The following HOOK3 variants were observed in gnomAD, a reference collection of about 807,000 sequenced individuals.
HOOK3 encodes hook microtubule tethering protein 3.
In HOOK3, 24 loss-of-function variants were observed where a neutral mutation model predicts 116.3. The observed-to-expected ratio is 0.21, with a 90% confidence interval of 0.15 to 0.29. HOOK3 has a LOEUF of 0.29. HOOK3 is among the 10% of genes least tolerant of loss of function. The probability of loss-of-function intolerance (pLI) is 1.00; values close to 1 mark genes in which losing one functional copy is unlikely to be tolerated. For missense variants in HOOK3, 632 were observed against 830.2 expected, an observed-to-expected ratio of 0.76 and a Z score of 2.93; for synonymous variants, 275 against 283.0, an observed-to-expected ratio of 0.97 and a Z score of 0.28.
At chr8:42,945,027 A>G (rs1415718607) in intron 5 of HOOK3, among the ~76,000 whole-genome samples, 1 of 152,182 alleles carries the variant, frequency 6.6e-6, no homozygotes, top group Non-Finnish European at 1.5e-5. Flanking sequence ...TAAGAGCATG[A>G]GCTGCAGTGT....
At position 42,951,504 on chromosome 8, in the gene HOOK3, TGTAAAA is replaced by T. The variant is rs539589873; in HGVS notation, c.468+1062_468+1067del. ...ACGTTTTAAATGTAAAACATAAAAC[TGTAAAA>T]GTAAAAGTAAAACAGAGACTAATAG... On this transcript the variant is annotated intron_variant, in intron 6 of 21. Coordinates refer to ENST00000307602, the MANE Select transcript of HOOK3 (RefSeq NM_032410.4). 2.9e-3 allele frequency among the ~76,000 whole-genome samples: 435 copies of T among 152,294 alleles called. 4 individuals are homozygous for T. The highest frequency in any genetic ancestry group is 4.0e-3 in the Non-Finnish European group (273 of 68,024).
rs1359960987 is a variant in HOOK3 at position 42,966,665 on chromosome 8, C to T, written c.920+52C>T. ...CACAGTTTGGCTCTGGTGTTAGAAA[C>T]TCTAGGGTTTCTGAGGATCTAGCAA... On this transcript the variant is annotated intron_variant, in intron 10 of 21. Coordinates refer to ENST00000307602, the MANE Select transcript of HOOK3 (RefSeq NM_032410.4). 3 of 1,577,136 alleles carry T rather than the reference C, an allele frequency of 1.9e-6. No individual in the cohort carries two copies. In the Admixed American group the frequency reaches 5.3e-5, roughly 28 times the overall value.
At chr8:42,979,979 T>C (rs543018598) in intron 13 of HOOK3, among the ~76,000 whole-genome samples, 1 of 151,618 alleles carries the variant, frequency 6.6e-6, no homozygotes, top group South Asian at 2.1e-4. Flanking sequence ...TTTTTTTTTT[T>C]TGAGATGGAG....
intron 16 of HOOK3, among the ~76,000 whole-genome samples, chr8:42,999,938 A>AT (rs1342690484): frequency 6.6e-6 from 1 of 152,134 alleles, no homozygotes; most frequent in African/African-American, 2.4e-5. Context: ...CGAGGTCAGG[A>AT]GATCGAGATC....
chr8:42,939,936 A>T (rs1383798742), intron 4 of HOOK3, among the ~76,000 whole-genome samples: 1 of 149,414 alleles, frequency 6.7e-6, no homozygotes, highest in African/African-American at 2.5e-5. Flanking sequence ...GCGGCCGGGA[A>T]GAGGCGCTCC....
intron 4 of HOOK3, among the ~76,000 whole-genome samples, chr8:42,937,308 A>G (rs1159266329): frequency 1.5e-5 from 2 of 130,244 alleles, no homozygotes; most frequent in African/African-American, 6.1e-5. Context: ...CCAGTGGTCT[A>G]TTTTGTTAAT....
chr8:42,951,723 A>C (rs1476376915), intron 6 of HOOK3, among the ~76,000 whole-genome samples: 2 of 152,120 alleles, frequency 1.3e-5, no homozygotes, highest in African/African-American at 2.4e-5. Context: ...CAGGCGGATC[A>C]CGAGGTCAAG....
intron 1 of HOOK3, among the ~76,000 whole-genome samples, chr8:42,904,619 T>C (rs915666911): frequency 6.6e-6 from 1 of 152,120 alleles, no homozygotes; most frequent in African/African-American, 2.4e-5. Flanking sequence ...CCAGATCTTA[T>C]ATTAATACAA....
chr8:42,960,284 G>A (rs1356996425), intron 8 of HOOK3, among the ~76,000 whole-genome samples: 1 of 152,162 alleles, frequency 6.6e-6, no homozygotes, highest in East Asian at 1.9e-4. Flanking sequence ...ATGACAGAGT[G>A]GAGTACTTGC....
At chr8:42,966,112 G>C (rs149432694) in intron 9 of HOOK3, among the ~76,000 whole-genome samples, 138 of 152,226 alleles carry the variant, frequency 9.1e-4, no homozygotes, top group Admixed American at 3.1e-3. Context: ...TTCATAAAGA[G>C]TATGTTGTTT....
Position 43,025,377 on chromosome 8 carries a change from T to C in HOOK3, c.*6879T>C, listed in dbSNP as rs1295978887. The C allele has an allele frequency of 4.7e-6, 1 of 212,858 alleles. No homozygotes were observed. The highest frequency in any genetic ancestry group is 9.5e-6 in the Non-Finnish European group (1 of 105,250). 13.2% of individuals were successfully genotyped at this position (212,858 alleles called of 1,614,324 possible). A position where few individuals can be genotyped will look rare whatever the true frequency, so the allele number is the denominator to read the frequency against. ...ATTCATTCCTAGAAAGTGGAGTGGA[T>C]CATTGGGATAAGAAATAGCCTAATT... On this transcript the variant is annotated 3_prime_UTR_variant, in exon 22 of 22. Transcript: ENST00000307602.
chr8:42,918,315 G>A lies in HOOK3; in HGVS notation c.144-7242G>A, dbSNP rs183573274. On this transcript the variant is annotated intron_variant, in intron 2 of 21. Coordinates refer to ENST00000307602, the MANE Select transcript of HOOK3 (RefSeq NM_032410.4). ...ATCGCACCATTGCACTCCAGCCTGG[G>A]CAACAAAGCGAGACATTCTCTCTCT... is the stretch of plus-strand genomic sequence containing the variant. Among the ~76,000 whole-genome samples, 1,279 of 152,114 alleles carry A rather than the reference G, an allele frequency of 8.4e-3. 10 individuals carry two copies. Among genetic ancestry groups the A allele is most frequent in the Middle Eastern group, 0.017 (5 of 294 alleles).
chr8:42,917,492 G>A (rs555772393), intron 2 of HOOK3, among the ~76,000 whole-genome samples: 390 of 152,174 alleles, frequency 2.6e-3, no homozygotes, highest in African/African-American at 9.0e-3. Context: ...GAATCCCCTC[G>A]TTAGTATAAA....
At chr8:43,003,312 C>G (rs1048501730) in intron 17 of HOOK3, among the ~76,000 whole-genome samples, 2 of 152,172 alleles carry the variant, frequency 1.3e-5, no homozygotes, top group African/African-American at 4.8e-5. Flanking sequence ...ACACAAGATA[C>G]TCCTGGCGAC....
chr8:42,983,762 C>T (rs922008191), intron 14 of HOOK3, among the ~76,000 whole-genome samples: 5 of 152,114 alleles, frequency 3.3e-5, no homozygotes, highest in African/African-American at 1.2e-4. Flanking sequence ...AGGTGTAAGC[C>T]GCCGCACCCA....
At chr8:43,018,262 G>A (rs1164202092) in intron 21 of HOOK3, 96 bp from the exon 22 acceptor site, 7 of 1,162,706 alleles carry the variant, frequency 6.0e-6, no homozygotes, top group Non-Finnish European at 8.4e-6. Flanking sequence ...TGTGCTTTAT[G>A]ATACACTGTA....
chr8:42,957,010 G>T, intron 6 of HOOK3, 84 bp from the exon 7 acceptor site: 2 of 630,340 alleles, frequency 3.2e-6, no homozygotes, highest in South Asian at 2.6e-5. Flanking sequence ...TATAGTGGCT[G>T]GGTATTCATT....
At chr8:42,922,045 A>G (rs1357971163) in intron 2 of HOOK3, among the ~76,000 whole-genome samples, 1 of 152,236 alleles carries the variant, frequency 6.6e-6, no homozygotes, top group Non-Finnish European at 1.5e-5. Context: ...ATAGGTAAGT[A>G]TGATTATCCA....
At chr8:43,011,712 A>G (rs1426471083) in intron 19 of HOOK3, among the ~76,000 whole-genome samples, 2 of 152,024 alleles carry the variant, frequency 1.3e-5, no homozygotes, top group Admixed American at 6.6e-5. Context: ...CGTCTCTACA[A>G]AAAAAAGTTT....
Sources: allele counts gnomAD v4.1 joint callset (sites outside exome capture counted in the v4.1 genomes callset), GRCh38; gene constraint gnomAD v4.1.1; transcripts MANE v1.5; gene names NCBI Gene and HGNC (gene_info 2026-07-23, HGNC 2026-07-21).